Variants in FBXL7 observed in about 807,000 individuals in gnomAD.
The protein encoded by FBXL7 is F-box and leucine rich repeat protein 7, also known as F-box/LRR-repeat protein 7.
FBXL7 carries 12 observed loss-of-function variants against 38.3 expected under a neutral mutation model. The observed-to-expected ratio is 0.31, with a 90% CI of 0.20 to 0.51. FBXL7 has a LOEUF of 0.51. Ranked by LOEUF, FBXL7 falls within the 20% of genes least tolerant of loss-of-function variation. FBXL7 has a pLI of 0.98. For synonymous variants in FBXL7, 297 were observed against 300.9 expected, an observed-to-expected ratio of 0.99 and a Z score of 0.13; for missense variants, 567 against 676.4, an observed-to-expected ratio of 0.84 and a Z score of 1.79.
Position 15,936,556 on chromosome 5 carries a change from C to T in FBXL7, c.846C>T (p.Cys282=). ...ISIRYLDMTD[C]FVLEDEGLHT... is the part of the protein sequence containing the mutation. ...TCCGCTACCTGGACATGACGGACTG[C>T]TTCGTGCTGGAGGACGAAGGCCTGC... The change falls in exon 4 of 4, where the codon TGC becomes TGT. Residue 282 remains cysteine, a synonymous_variant. Coordinates refer to ENST00000504595, the MANE Select transcript of FBXL7 (RefSeq NM_012304.5). The surrounding 1 kb of genome is among the most constrained non-coding windows in gnomAD (Gnocchi z 6.0). 1.9e-6 allele frequency: 3 copies of T among 1,613,362 alleles called. No homozygotes were observed. The highest frequency in any genetic ancestry group is 2.5e-6 in the Non-Finnish European group (3 of 1,179,898).
chr5:15,566,512 G>T (rs1738577065), intron 1 of FBXL7, among the ~76,000 whole-genome samples: 1 of 152,088 alleles, frequency 6.6e-6, no homozygotes, highest in Non-Finnish European at 1.5e-5. Context: ...ACTGAGCTAG[G>T]CGTGATTGCA....
In FBXL7 at chr5:15,683,860, C is replaced by T. The variant is rs116721978; in HGVS notation, c.127+67788C>T. ...AAGTAGAAGTTTATCACTTCTTTCA[C>T]GTTCCCCCTATATGTTTGGATTCCT... On this transcript the variant is annotated intron_variant, in intron 2 of 3. Transcript: ENST00000504595. Among the ~76,000 whole-genome samples the T allele has an allele frequency of 4.8e-3, 725 of 152,248 alleles. 5 individuals are homozygous for T. Among genetic ancestry groups the T allele is most frequent in the African/African-American group, 0.017 (697 of 41,534 alleles).
intron 1 of FBXL7, among the ~76,000 whole-genome samples, chr5:15,591,367 T>C (rs1242541684): frequency 6.7e-6 from 1 of 150,034 alleles, no homozygotes; most frequent in East Asian, 2.0e-4. Context: ...AGGTGGAGCT[T>C]GCAGTGAGCT....
chr5:15,774,645 A>G (rs1736815094), intron 2 of FBXL7, among the ~76,000 whole-genome samples: 2 of 152,228 alleles, frequency 1.3e-5, no homozygotes, highest in Admixed American at 1.3e-4. Context: ...TGCCACTTTA[A>G]TGAAACCATA....
chr5:15,517,348 G>A (rs928783930), intron 1 of FBXL7, among the ~76,000 whole-genome samples: 3 of 152,184 alleles, frequency 2.0e-5, no homozygotes, highest in Non-Finnish European at 4.4e-5. Context: ...AACCATAGAT[G>A]GTAAACTAAA....
chr5:15,558,332 T>A (rs376850344), intron 1 of FBXL7, among the ~76,000 whole-genome samples: 1 of 152,282 alleles, frequency 6.6e-6, no homozygotes, highest in South Asian at 2.1e-4. Flanking sequence ...TCCAAGAGGA[T>A]TAATCTTCAC....
chr5:15,569,904 A>G lies in FBXL7; in HGVS notation c.38-46079A>G, dbSNP rs573038503. 1.4e-4 allele frequency among the ~76,000 whole-genome samples: 22 copies of G among 152,250 alleles called. No homozygotes were observed. In the East Asian group the frequency reaches 3.5e-3, roughly 24 times the overall value. Reference sequence around the variant, plus strand: ...TGCTGGACTACATTTATTGATTTGCATATGTTGAACCAGCCTTGCATCCCA... The same window carrying G: ...TGCTGGACTACATTTATTGATTTGCGTATGTTGAACCAGCCTTGCATCCCA... On this transcript the variant is annotated intron_variant, in intron 1 of 3. Coordinates refer to ENST00000504595, the MANE Select transcript of FBXL7 (RefSeq NM_012304.5).
chr5:15,703,362 A>G (rs1380408146), intron 2 of FBXL7, among the ~76,000 whole-genome samples: 1 of 152,222 alleles, frequency 6.6e-6, no homozygotes, highest in Non-Finnish European at 1.5e-5. Flanking sequence ...CCAAAAATTT[A>G]CTTTGATTCT....
intron 2 of FBXL7, among the ~76,000 whole-genome samples, chr5:15,765,089 G>A (rs1176602535): frequency 2.0e-5 from 3 of 152,006 alleles, no homozygotes; most frequent in Non-Finnish European, 4.4e-5. Context: ...CCCTTAAATG[G>A]GATTCAAAGT....
intron 1 of FBXL7, among the ~76,000 whole-genome samples, chr5:15,550,937 T>C (rs967759774): frequency 3.3e-5 from 5 of 152,218 alleles, no homozygotes; most frequent in African/African-American, 1.2e-4. Flanking sequence ...ACTTAAACAG[T>C]AGCATATGAA....
At chr5:15,789,043 G>T (rs184193176) in intron 2 of FBXL7, among the ~76,000 whole-genome samples, 1 of 151,920 alleles carries the variant, frequency 6.6e-6, no homozygotes, top group Non-Finnish European at 1.5e-5. Flanking sequence ...ATAGAGGCGG[G>T]ATTTCACGGT....
chr5:15,712,122 A>G (rs1311045075), intron 2 of FBXL7, among the ~76,000 whole-genome samples: 1 of 152,204 alleles, frequency 6.6e-6, no homozygotes. Flanking sequence ...CAGAGGGGTT[A>G]TCTTTTCATC....
intron 2 of FBXL7, among the ~76,000 whole-genome samples, chr5:15,777,957 A>AT (rs2126717855): frequency 6.6e-6 from 1 of 152,144 alleles, no homozygotes; most frequent in African/African-American, 2.4e-5. Context: ...GCAAGAGAAT[A>AT]TTTTTATATT....
chr5:15,504,742 TG>T (rs1220847149), intron 1 of FBXL7, among the ~76,000 whole-genome samples: 2 of 152,094 alleles, frequency 1.3e-5, no homozygotes, highest in African/African-American at 4.8e-5. Context: ...GAGAATAAGT[TG>T]GGGTGCTTCA....
intron 2 of FBXL7, among the ~76,000 whole-genome samples, chr5:15,660,403 C>T (rs966474759): frequency 6.6e-6 from 1 of 152,248 alleles, no homozygotes; most frequent in Non-Finnish European, 1.5e-5. Context: ...GTTGCCCAGG[C>T]TGGAGTGCAA....
chr5:15,681,817 G>T (rs1742853126), intron 2 of FBXL7, among the ~76,000 whole-genome samples: 1 of 152,098 alleles, frequency 6.6e-6, no homozygotes, highest in Non-Finnish European at 1.5e-5. Flanking sequence ...CCTTTGTTAG[G>T]AAATAGGAAT....
At chr5:15,501,100 C>G (rs1736474205) in intron 1 of FBXL7, among the ~76,000 whole-genome samples, 1 of 152,164 alleles carries the variant, frequency 6.6e-6, no homozygotes, top group Admixed American at 6.5e-5. Flanking sequence ...GGCCTTTGTG[C>G]TCCAGCCCCC....
At position 15,731,611 on chromosome 5, in the gene FBXL7, G is replaced by A. The variant is rs190587098; in HGVS notation, c.127+115539G>A. Among the ~76,000 whole-genome samples, 13 of 152,274 alleles carry A rather than the reference G, an allele frequency of 8.5e-5. No individual in the cohort carries two copies. The East Asian group carries it at 2.5e-3, about 29-fold the overall frequency. ...GGGATGAAAAAAAAATGAATGTGCA[G>A]AGGGCAGAGGACACGGATGACTTAG... On this transcript the variant is annotated intron_variant, in intron 2 of 3. Transcript: ENST00000504595.
At chr5:15,789,293 A>C (rs1737212441) in intron 2 of FBXL7, among the ~76,000 whole-genome samples, 2 of 152,296 alleles carry the variant, frequency 1.3e-5, no homozygotes, top group South Asian at 4.2e-4. Flanking sequence ...CCTCTGCCAG[A>C]CCAGCAGTTA....
Sources: allele counts gnomAD v4.1 joint callset (sites outside exome capture counted in the v4.1 genomes callset), GRCh38; gene constraint gnomAD v4.1.1; non-coding constraint Gnocchi (gnomAD v3.1); transcripts MANE v1.5; gene names NCBI Gene and HGNC (gene_info 2026-07-23, HGNC 2026-07-21).